Variants in POLR1D observed in about 807,000 individuals in gnomAD.
The protein encoded by POLR1D is RNA polymerase I and III subunit D, also known as DNA-directed RNA polymerases I and III subunit RPAC2.
In POLR1D, 8 loss-of-function variants were observed where a neutral mutation model predicts 10.8. The ratio of observed to expected loss-of-function variants is 0.74; its 90% CI spans 0.43 to 1.33. The LOEUF (loss-of-function observed/expected upper bound fraction) is 1.33, where lower values mean the gene tolerates loss of function less well. POLR1D is among the 40% of genes most tolerant of loss of function. The pLI is 0.01. For missense variants in POLR1D, 152 were observed against 161.7 expected (o/e 0.94, Z 0.32); for synonymous variants, 54 against 57.2 (o/e 0.94, Z 0.25).
At chr13:27,651,281 ATG>A (rs1956266368) in intron 2 of POLR1D, 1 of 152,116 alleles carries the variant, frequency 6.6e-6, no homozygotes, top group Non-Finnish European at 1.5e-5. Context: ...TCTTTAACAA[ATG>A]AATTGCAAGG....
At chr13:27,638,435 A>T (rs1414401807) in intron 1 of POLR1D, among the ~76,000 whole-genome samples, 1 of 152,208 alleles carries the variant, frequency 6.6e-6, no homozygotes, top group Non-Finnish European at 1.5e-5. Flanking sequence ...TCAAGAGACT[A>T]ATTTCTATGT....
In POLR1D at chr13:27,621,954, C is replaced by G. The variant is rs559557492; in HGVS notation, c.-30C>G. On this transcript the variant is annotated 5_prime_UTR_variant, in exon 1 of 2. Coordinates refer to ENST00000302979, the MANE Select transcript of POLR1D (RefSeq NM_015972.4). ...GGACAGAGCCCCCGATCCGCCAGCA[C>G]CACCTGAGGATCCAGAAACCGCCCC... The G allele has an allele frequency of 1.8e-5, 28 of 1,585,366 alleles. No individual in the cohort carries two copies. In the African/African-American group the frequency reaches 2.5e-4, roughly 14 times the overall value.
At chr13:27,621,807 C>G (rs886050104), upstream of POLR1D, 1 of 621,188 alleles carries the variant, frequency 1.6e-6, no homozygotes, top group Non-Finnish European at 2.8e-6. Context: ...GGTGGAGCCT[C>G]ATGCCCCGCC....
At chr13:27,634,395 A>G (rs1353019801) in intron 1 of POLR1D, among the ~76,000 whole-genome samples, 2 of 152,282 alleles carry the variant, frequency 1.3e-5, no homozygotes, top group Non-Finnish European at 2.9e-5. Context: ...TCGGAGAGCA[A>G]TGAAAGATCA....
chr13:27,652,784 T>C (rs1298547121), intron 2 of POLR1D, among the ~76,000 whole-genome samples: 2 of 151,382 alleles, frequency 1.3e-5, no homozygotes, highest in African/African-American at 2.4e-5. Flanking sequence ...GGAGAATCAC[T>C]TGAACCTGCA....
Position 27,623,223 on chromosome 13 carries a change from A to G in POLR1D, c.375A>G (p.Lys125=). The change falls in exon 2 of 2, where the codon AAA becomes AAG. Residue 125 remains lysine, a synonymous_variant. Coordinates refer to ENST00000302979, the MANE Select transcript of POLR1D (RefSeq NM_015972.4). ...EASIKDYKDQ[K]ASRNESTF ...GCATAAAGGACTATAAGGATCAAAAAGCAAGCAGAAATGAATCCACATTCT... is the reference window on the plus strand; with the variant it reads ...GCATAAAGGACTATAAGGATCAAAAGGCAAGCAGAAATGAATCCACATTCT... 1 of 1,614,100 alleles carries G rather than the reference A, an allele frequency of 6.2e-7. No homozygotes were observed. Among genetic ancestry groups the G allele is most frequent in the Non-Finnish European group, 8.5e-7 (1 of 1,180,026 alleles).
rs369618281 is a variant in POLR1D, at chr13:27,634,675, C to CTT, written c.26+12683_26+12684dup. Among the ~76,000 whole-genome samples, 480 of 124,958 alleles carry CTT rather than the reference C, an allele frequency of 3.8e-3. 10 individuals carry two copies. The highest frequency in any genetic ancestry group is 0.011 in the African/African-American group (348 of 33,100). The allele number at this position is 124,958 out of a possible 152,430, so 82.0% of individuals were successfully genotyped here. A position where few individuals can be genotyped will look rare whatever the true frequency, so the allele number is the denominator to read the frequency against. ...AGATGGCCTGACTCCATAGACTCTGCTTTTTTTTTTTTTTTTTTGGCACAT... is the reference window on the plus strand; with the variant it reads ...AGATGGCCTGACTCCATAGACTCTGCTTTTTTTTTTTTTTTTTTTTGGCACAT... On this transcript the variant is annotated intron_variant, in intron 1 of 2. Transcript: ENST00000399697.
intron 1 of POLR1D, among the ~76,000 whole-genome samples, chr13:27,640,722 A>C (rs1327241889): frequency 1.3e-5 from 2 of 152,126 alleles, no homozygotes; most frequent in African/African-American, 4.8e-5. Context: ...AGATCATTTT[A>C]TTATTTTACA....
At chr13:27,659,114 C>T (rs1956333891) in intron 2 of POLR1D, among the ~76,000 whole-genome samples, 1 of 152,124 alleles carries the variant, frequency 6.6e-6, no homozygotes, top group African/African-American at 2.4e-5. Context: ...CAGTTTATGT[C>T]ATCAACTGTT....
At chr13:27,627,255 CCTGGTACAGTTA>C (rs1956020693), downstream of POLR1D, among the ~76,000 whole-genome samples, 1 of 151,752 alleles carries the variant, frequency 6.6e-6, no homozygotes, top group Non-Finnish European at 1.5e-5. Context: ...TATAAACTAT[CCTGGTACAGTTA>C]CTGCGTGGGT....
At chr13:27,634,894 C>G in intron 1 of POLR1D, among the ~76,000 whole-genome samples, 1 of 151,908 alleles carries the variant, frequency 6.6e-6, no homozygotes, top group Non-Finnish European at 1.5e-5. Context: ...AGCCTGGTCT[C>G]GAACTCCTGA....
intron 2 of POLR1D, among the ~76,000 whole-genome samples, chr13:27,659,442 G>A (rs577820256): frequency 6.6e-5 from 10 of 152,226 alleles, no homozygotes; most frequent in South Asian, 4.2e-4. Context: ...GCCTTTATAC[G>A]TATAGAACAT....
downstream of POLR1D, among the ~76,000 whole-genome samples, chr13:27,628,248 G>C (rs1956037400): frequency 2.0e-5 from 3 of 152,216 alleles, no homozygotes; most frequent in Admixed American, 2.0e-4. Context: ...TCACCAAGCT[G>C]CTTGCTTTAC....
In POLR1D at chr13:27,659,935, TAC is replaced by T. The variant is rs1375539304; in HGVS notation, c.102-5739_102-5738del. On this transcript the variant is annotated intron_variant, in intron 2 of 2. Transcript: ENST00000399697. The stretch of plus-strand genomic sequence containing the variant: ...ATATATATATATATATACACACACA[TAC>T]ACACACACACATACATATACAGACA... Among the ~76,000 whole-genome samples, 87 of 141,748 alleles carry T rather than the reference TAC, an allele frequency of 6.1e-4. No homozygotes were observed. The East Asian group carries it at 0.014, about 22-fold the overall frequency. 93.0% of individuals were successfully genotyped at this position (141,748 alleles called of 152,430 possible). A position where few individuals can be genotyped will look rare whatever the true frequency, so the allele number is the denominator to read the frequency against.
At chr13:27,649,226 A>T (rs1956246265) in intron 2 of POLR1D, among the ~76,000 whole-genome samples, 1 of 152,258 alleles carries the variant, frequency 6.6e-6, no homozygotes, top group Admixed American at 6.5e-5. Context: ...AAAAGAGTAG[A>T]AGCTAAACTT....
Position 27,648,368 on chromosome 13 carries a change from T to C in POLR1D, c.27-11T>C, listed in dbSNP as rs1956238196. The C allele has an allele frequency of 5.1e-6, 8 of 1,583,920 alleles. No individual in the cohort carries two copies. The African/African-American group carries it at 6.7e-5, about 13-fold the overall frequency. The stretch of plus-strand genomic sequence containing the variant: ...TGACTGCCTCTCAAATCTTTTCCTT[T>C]TTCTTATCAGGAAAGCAATAGAAGA... On this transcript the variant is annotated splice_polypyrimidine_tract_variant and intron_variant, in intron 1 of 2. Coordinates refer to the POLR1D transcript ENST00000399697.
chr13:27,623,375 GT>G lies in POLR1D; in HGVS notation c.*127del. On this transcript the variant is annotated 3_prime_UTR_variant, in exon 2 of 2. Coordinates refer to ENST00000302979, the MANE Select transcript of POLR1D (RefSeq NM_015972.4). ...CCTTCAGAAAGGCGTGATTCTAGCT[GT>G]TGACCCCTTGCAGCTGTTGGAATCT... is the stretch of plus-strand genomic sequence containing the variant. 6.5e-7 allele frequency: 1 copy of G among 1,526,982 alleles called. No individual in the cohort carries two copies. The highest frequency in any genetic ancestry group is 8.8e-7 in the Non-Finnish European group (1 of 1,138,000). The allele number at this position is 1,526,982 out of a possible 1,614,324, so 94.6% of individuals were successfully genotyped here.
At chr13:27,644,138 T>C (rs1358504620) in intron 1 of POLR1D, among the ~76,000 whole-genome samples, 1 of 152,216 alleles carries the variant, frequency 6.6e-6, no homozygotes, top group Non-Finnish European at 1.5e-5. Flanking sequence ...CCATCATTTT[T>C]GAGCAGTTAT....
chr13:27,656,505 ATTTATAATCT>A (rs1593292861), intron 2 of POLR1D, among the ~76,000 whole-genome samples: 1 of 152,120 alleles, frequency 6.6e-6, no homozygotes, highest in African/African-American at 2.4e-5. Context: ...CTCTCTTGGA[ATTTATAATCT>A]AATGGGGGTG....
Sources: gnomAD v4.1 joint callset for allele counts (sites outside exome capture counted in the v4.1 genomes callset) on GRCh38, gnomAD v4.1.1 for gene constraint, MANE v1.5 for transcripts, NCBI Gene and HGNC (gene_info 2026-07-23, HGNC 2026-07-21) for gene names.